The following VEZT variants were observed in gnomAD, a reference collection of about 807,000 sequenced individuals.
VEZT encodes vezatin, adherens junctions transmembrane protein.
In VEZT, 39 loss-of-function variants were observed where a neutral mutation model predicts 79.9. The ratio of observed to expected loss-of-function variants is 0.49; its 90% CI spans 0.38 to 0.64. VEZT has a LOEUF of 0.64. Ranked by LOEUF, VEZT falls within the 30% of genes least tolerant of loss-of-function variation. VEZT has a pLI of 0.00. For synonymous variants in VEZT, 325 were observed against 327.6 expected (o/e 0.99, Z 0.09); for missense variants, 837 against 893.1 (o/e 0.94, Z 0.80).
chr12:95,298,132 T>G (rs191723582), intron 11 of VEZT, among the ~76,000 whole-genome samples: 1 of 150,072 alleles, frequency 6.7e-6, no homozygotes, highest in Non-Finnish European at 1.5e-5. Context: ...AAAATAATAA[T>G]AATAATAATA....
chr12:95,226,583 T>G (rs769723432), intron 1 of VEZT, among the ~76,000 whole-genome samples: 1 of 152,306 alleles, frequency 6.6e-6, no homozygotes, highest in East Asian at 1.9e-4. Context: ...ACAAACTCTT[T>G]GAGGTATCTT....
intron 1 of VEZT, among the ~76,000 whole-genome samples, chr12:95,251,467 T>G (rs1313546017): frequency 6.6e-6 from 1 of 152,212 alleles, no homozygotes; most frequent in East Asian, 1.9e-4. Flanking sequence ...ATAATACGTA[T>G]TTGTGCTTGA....
intron 1 of VEZT, 65 bp downstream of exon 1, chr12:95,217,951 G>A (rs1166129244): frequency 2.1e-6 from 3 of 1,423,594 alleles, no homozygotes; most frequent in Non-Finnish European, 2.8e-6. Flanking sequence ...GGAAATCGAG[G>A]AAGCAAGGCG....
rs143293674 is a variant in VEZT at position 95,226,165 on chromosome 12, T to G, written c.36+8279T>G. ...GAAGCAAAAAGTGGACTTCTGCTCTTCTTCCACCTTCCAAATCTCTTACAC... is the reference window on the plus strand; with the variant it reads ...GAAGCAAAAAGTGGACTTCTGCTCTGCTTCCACCTTCCAAATCTCTTACAC... On this transcript the variant is annotated intron_variant, in intron 1 of 11. Transcript: ENST00000436874. Among the ~76,000 whole-genome samples, 7 of 152,114 alleles carry G rather than the reference T, an allele frequency of 4.6e-5. No homozygotes were observed. The East Asian group carries it at 1.4e-3, about 29-fold the overall frequency.
At chr12:95,234,198 T>TA (rs1399120493) in intron 1 of VEZT, among the ~76,000 whole-genome samples, 1 of 152,056 alleles carries the variant, frequency 6.6e-6, no homozygotes, top group East Asian at 1.9e-4. Flanking sequence ...TTCTACAATT[T>TA]AAAAAAATAT....
intron 1 of VEZT, among the ~76,000 whole-genome samples, chr12:95,219,451 T>C: frequency 6.6e-6 from 1 of 151,336 alleles, no homozygotes; most frequent in Admixed American, 6.6e-5. Flanking sequence ...GTGTGTGATA[T>C]TTTTTAAAAC....
intron 1 of VEZT, among the ~76,000 whole-genome samples, chr12:95,237,644 G>T (rs2060377786): frequency 6.6e-6 from 1 of 152,118 alleles, no homozygotes; most frequent in South Asian, 2.1e-4. Flanking sequence ...GTTTTGTTTT[G>T]TTTTTATTAT....
chr12:95,268,824 C>T (rs1460354383), intron 5 of VEZT, among the ~76,000 whole-genome samples: 1 of 152,144 alleles, frequency 6.6e-6, no homozygotes, highest in Non-Finnish European at 1.5e-5. Context: ...ATTTTTTAGA[C>T]ATTTTCAAAA....
intron 9 of VEZT, among the ~76,000 whole-genome samples, chr12:95,288,579 A>G (rs2071625360): frequency 6.6e-6 from 1 of 152,228 alleles, no homozygotes; most frequent in Non-Finnish European, 1.5e-5. Context: ...TTGTTGCTAA[A>G]GATAATTAAT....
At chr12:95,253,842 A>G (rs2063014982) in intron 2 of VEZT, among the ~76,000 whole-genome samples, 2 of 152,132 alleles carry the variant, frequency 1.3e-5, no homozygotes, top group African/African-American at 4.8e-5. Flanking sequence ...GCTCATGTCT[A>G]TAATCCCGGC....
At chr12:95,274,278 A>C (rs1195192870) in intron 6 of VEZT, among the ~76,000 whole-genome samples, 2 of 152,204 alleles carry the variant, frequency 1.3e-5, no homozygotes, top group Non-Finnish European at 2.9e-5. Flanking sequence ...CAGCCTGGAC[A>C]ACATGGCAAA....
intron 8 of VEZT, chr12:95,286,310 T>A (rs755958102): frequency 9.8e-6 from 4 of 408,174 alleles, no homozygotes; most frequent in Non-Finnish European, 1.9e-5. Context: ...TACATGTATG[T>A]ATGTATGTAA....
intron 1 of VEZT, among the ~76,000 whole-genome samples, chr12:95,240,022 A>C: frequency 6.1e-5 from 1 of 16,340 alleles, no homozygotes; most frequent in Non-Finnish European, 1.7e-4. Flanking sequence ...GAGAGAAAGA[A>C]AGGAAGGAAG....
Position 95,236,150 on chromosome 12 carries a change from C to G in VEZT, c.37-15790C>G, listed in dbSNP as rs373826901. 1.3e-4 allele frequency among the ~76,000 whole-genome samples: 20 copies of G among 152,316 alleles called. No homozygotes were observed. In the East Asian group the frequency reaches 1.4e-3, roughly 10 times the overall value. ...TGGGCACCATTGAGCACTGAGTGAA[C>G]GAGACTCCGTCTGCAATCACGGCAC... On this transcript the variant is annotated intron_variant, in intron 1 of 11. Transcript: ENST00000436874.
intron 3 of VEZT, among the ~76,000 whole-genome samples, 160 bp from the exon 4 acceptor site, chr12:95,262,746 A>C (rs2306885): frequency 0.092 from 14,061 of 152,236 alleles, 822 homozygotes; most frequent in East Asian, 0.25. Flanking sequence ...GTGAAAATAA[A>C]ACCCAGCTAT....
In VEZT at chr12:95,282,364, G is replaced by T; in HGVS notation, c.1048G>T (p.Ala350Ser). Reference sequence around the variant, plus strand: ...GAGTTCAGAGTTCTTCAGACGGTTAGCCCTATTACTTTCTACAGCCAATTC... The same window carrying T: ...GAGTTCAGAGTTCTTCAGACGGTTATCCCTATTACTTTCTACAGCCAATTC... ...AQSSEFFRRL[A>S]LLLSTANSPP... The change falls in exon 8 of 12, where the codon GCC becomes TCC. Residue 350 changes from alanine to serine, a missense_variant. Ala to Ser is a moderately conservative substitution (Grantham distance 99). Coordinates refer to ENST00000436874, the MANE Select transcript of VEZT (RefSeq NM_017599.4). The T allele has an allele frequency of 6.2e-7, 1 of 1,613,790 alleles. No homozygotes were observed. Among genetic ancestry groups the T allele is most frequent in the Non-Finnish European group, 8.5e-7 (1 of 1,179,862 alleles).
At chr12:95,247,502 CAT>C (rs150940848) in intron 1 of VEZT, among the ~76,000 whole-genome samples, 10,178 of 152,108 alleles carry the variant, frequency 0.067, 445 homozygotes, top group Middle Eastern at 0.12. Flanking sequence ...TTTTCATTAA[CAT>C]ATGTTGTTTA....
At position 95,274,798 on chromosome 12, in the gene VEZT, T is replaced by C. The variant is rs760671752; in HGVS notation, c.905T>C (p.Phe302Ser). The change falls in exon 7 of 12, where the codon TTT (phenylalanine) becomes TCT (serine). Residue 302 changes from phenylalanine (F) to serine (S), a missense_variant. Phe to Ser is a radical substitution (Grantham distance 155). Coordinates refer to ENST00000436874, the MANE Select transcript of VEZT (RefSeq NM_017599.4). ...NVTNYICVVPFKELGLGLSEE... is the reference protein window; with the variant it reads ...NVTNYICVVPSKELGLGLSEE... ...ACCAACTACATCTGTGTGGTGCCTTTTAAAGAGCTGGGCCTTGGACTTAGT... is the reference window on the plus strand; with the variant it reads ...ACCAACTACATCTGTGTGGTGCCTTCTAAAGAGCTGGGCCTTGGACTTAGT... 6.2e-7 allele frequency: 1 copy of C among 1,613,952 alleles called. No homozygotes were observed. Among genetic ancestry groups the C allele is most frequent in the East Asian group, 2.2e-5 (1 of 44,870 alleles).
At chr12:95,263,131 A>C (rs2064845442) in intron 4 of VEZT, 50 bp downstream of exon 4, 1 of 1,433,234 alleles carries the variant, frequency 7.0e-7, no homozygotes, top group Non-Finnish European at 9.4e-7. Context: ...ACAGAGTATT[A>C]GCAGAGGAAA....
Sources: gnomAD v4.1 joint callset for allele counts (sites outside exome capture counted in the v4.1 genomes callset) on GRCh38, gnomAD v4.1.1 for gene constraint, MANE v1.5 for transcripts, NCBI Gene and HGNC (gene_info 2026-07-23, HGNC 2026-07-21) for gene names.